FRMD4A: variants seen among roughly 807,000 people sequenced by gnomAD.
FRMD4A encodes FERM domain containing 4A, also known as FERM domain-containing protein 4A.
A neutral mutation model predicts 129.1 loss-of-function variants in FRMD4A; 29 were observed. That is an observed-to-expected ratio of 0.22 (90% CI 0.17 to 0.31). The LOEUF (loss-of-function observed/expected upper bound fraction) is 0.31. Ranked by LOEUF, FRMD4A falls within the 10% of genes least tolerant of loss-of-function variation. The pLI is 1.00. For missense variants in FRMD4A, 1,272 were observed against 1,375.8 expected, an observed-to-expected ratio of 0.92 and a Z score of 1.19; for synonymous variants, 634 against 571.6, an observed-to-expected ratio of 1.11 and a Z score of -1.56.
chr10:14,111,301 C>T (rs4342919), intron 2 of FRMD4A, among the ~76,000 whole-genome samples: 38,846 of 152,062 alleles, frequency 0.26, 5,137 homozygotes, highest in African/African-American at 0.33. Flanking sequence ...AGGCAATATT[C>T]TACCCTCGAT....
intron 2 of FRMD4A, among the ~76,000 whole-genome samples, chr10:14,012,760 C>T (rs567540463): frequency 2.0e-5 from 3 of 152,180 alleles, no homozygotes; most frequent in Admixed American, 6.5e-5. Flanking sequence ...CCTGATGAGC[C>T]GGCCTCAACT....
At chr10:13,984,341 C>T (rs2095573549) in intron 2 of FRMD4A, among the ~76,000 whole-genome samples, 1 of 152,142 alleles carries the variant, frequency 6.6e-6, no homozygotes, top group Non-Finnish European at 1.5e-5. Context: ...GCATCCAACC[C>T]CCAACCCTTT....
At chr10:14,318,893 CA>C (rs1846858972) in intron 2 of FRMD4A, among the ~76,000 whole-genome samples, 1 of 152,186 alleles carries the variant, frequency 6.6e-6, no homozygotes, top group South Asian at 2.1e-4. Flanking sequence ...GGAAATGCAA[CA>C]GGAGCAAGTC....
intron 2 of FRMD4A, among the ~76,000 whole-genome samples, chr10:14,172,230 T>A (rs1345207152): frequency 6.6e-6 from 1 of 152,234 alleles, no homozygotes; most frequent in African/African-American, 2.4e-5. Context: ...CCTTGAAACC[T>A]AAAAACTGAA....
At chr10:14,318,329 C>CTTTTTTT (rs368474626) in intron 2 of FRMD4A, among the ~76,000 whole-genome samples, 1 of 145,826 alleles carries the variant, frequency 6.9e-6, no homozygotes, top group Non-Finnish European at 1.5e-5. Flanking sequence ...CCCCCCCCAC[C>CTTTTTTT]TTTTTTTTTT....
At chr10:13,751,334 C>A (rs934751350) in intron 8 of FRMD4A, among the ~76,000 whole-genome samples, 1 of 152,182 alleles carries the variant, frequency 6.6e-6, no homozygotes, top group African/African-American at 2.4e-5. Flanking sequence ...CAAGAAATCA[C>A]CAAGGCGTGA....
intron 2 of FRMD4A, among the ~76,000 whole-genome samples, chr10:14,201,253 G>A (rs192206879): frequency 6.6e-6 from 1 of 152,176 alleles, no homozygotes; most frequent in East Asian, 1.9e-4. Context: ...GCTGCTTCCT[G>A]CAACAGCGGC....
chr10:14,065,901 C>T (rs1031445264), intron 2 of FRMD4A, among the ~76,000 whole-genome samples: 4 of 152,202 alleles, frequency 2.6e-5, no homozygotes, highest in Middle Eastern at 3.4e-3. Context: ...TGGAGATACC[C>T]GGGGTCCTAG....
rs191209847 is a variant in FRMD4A, at chr10:13,894,269, G to A, written c.46-35357C>T. On this transcript the variant is annotated intron_variant, in intron 2 of 24. Transcript: ENST00000357447. ...ATGCATTCTCCACTCCAGCTGGAGC[G>A]ATTCTCCTAAATCCCAGATCTGATC... is the stretch of plus-strand genomic sequence containing the variant. 9.7e-4 allele frequency among the ~76,000 whole-genome samples: 147 copies of A among 152,308 alleles called. 1 individual carries two copies. The highest frequency in any genetic ancestry group is 2.6e-3 in the Admixed American group (40 of 15,306).
chr10:13,769,209 T>TG (rs2092381448), intron 6 of FRMD4A, among the ~76,000 whole-genome samples: 2 of 145,082 alleles, frequency 1.4e-5, no homozygotes, highest in African/African-American at 5.1e-5. Context: ...AAGAGATGGG[T>TG]TGTGTGTGTG....
At position 14,313,541 on chromosome 10, in the gene FRMD4A, C is replaced by A. The variant is rs780723575; in HGVS notation, c.45+16517G>T. Among the ~76,000 whole-genome samples, 8 of 152,140 alleles carry A rather than the reference C, an allele frequency of 5.3e-5. No homozygotes were observed. In the East Asian group the frequency reaches 1.5e-3, roughly 29 times the overall value. On this transcript the variant is annotated intron_variant, in intron 2 of 24. Coordinates refer to ENST00000357447, the MANE Select transcript of FRMD4A (RefSeq NM_018027.5). ...ATCATAACTGAAATTATAATGCTTA[C>A]GAAAGAGACAATGTTTTTTGTTTTT... is the stretch of plus-strand genomic sequence containing the variant.
Sources: gnomAD v4.1 joint callset for allele counts (sites outside exome capture counted in the v4.1 genomes callset) on GRCh38, gnomAD v4.1.1 for gene constraint, MANE v1.5 for transcripts, NCBI Gene and HGNC (gene_info 2026-07-23, HGNC 2026-07-21) for gene names.